HSP90B1: variants seen among roughly 807,000 people sequenced by gnomAD.
HSP90B1 encodes endoplasmin.
HSP90B1 carries 27 observed loss-of-function variants against 100.4 expected under a neutral mutation model. That is an observed-to-expected ratio of 0.27 (90% CI 0.20 to 0.37). The LOEUF is 0.37. Among genes scored for constraint, HSP90B1 ranks in the 10% least tolerant of loss-of-function variants. The pLI is 1.00. For missense variants in HSP90B1, 678 were observed against 960.5 expected (o/e 0.71, Z 3.89); for synonymous variants, 304 against 330.8 (o/e 0.92, Z 0.88).
At chr12:103,939,277 T>A (rs993095951) in intron 7 of HSP90B1, among the ~76,000 whole-genome samples, 3 of 151,520 alleles carry the variant, frequency 2.0e-5, no homozygotes, top group Admixed American at 1.3e-4. Flanking sequence ...GTTTTAAAAA[T>A]TTTTTGTATA....
Position 103,947,298 on chromosome 12 carries a change from A to G in HSP90B1, c.2263-13A>G. 3 of 1,576,764 alleles carry G rather than the reference A, an allele frequency of 1.9e-6. No individual in the cohort carries two copies. The highest frequency in any genetic ancestry group is 1.7e-6 in the Non-Finnish European group (2 of 1,167,632). ...ATCCAAGGCATTAATGGGCCCATAA[A>G]TGTTGTGTTTAGGTGGAAGAAGAGC... On this transcript the variant is annotated splice_polypyrimidine_tract_variant and intron_variant, in intron 16 of 17. Coordinates refer to ENST00000299767, the MANE Select transcript of HSP90B1 (RefSeq NM_003299.3).
At position 103,941,697 on chromosome 12, in the gene HSP90B1, CA is replaced by C; in HGVS notation, c.1301del (p.Lys434ArgfsTer11). 6.2e-7 allele frequency: 1 copy of C among 1,613,780 alleles called. No homozygotes were observed. Among genetic ancestry groups the C allele is most frequent in the South Asian group, 1.1e-5 (1 of 91,070 alleles). ...DMMPKYLNFV[K>X]GVVDSDDLPL... is the part of the protein sequence containing the mutation. ...TGATGCCTAAATACCTCAATTTTGT[CA>C]AGGGTGTGGTAAGTATCTGAAGTTT... On this transcript the variant is annotated frameshift_variant, in exon 10 of 18. Transcript: ENST00000299767. LOFTEE classifies it high-confidence loss of function.
In HSP90B1 at chr12:103,943,020, A is replaced by C. The variant is rs1423246287; in HGVS notation, c.1645-54A>C. 1.3e-6 allele frequency: 2 copies of C among 1,595,868 alleles called. No individual in the cohort carries two copies. The highest frequency in any genetic ancestry group is 1.7e-6 in the Non-Finnish European group (2 of 1,172,352). On this transcript the variant is annotated intron_variant, in intron 12 of 17. Transcript: ENST00000299767. The surrounding 1 kb of genome is among the most constrained non-coding windows in gnomAD (Gnocchi z 5.3). ...TATAAACATAGCAGCTGCTAGGATA[A>C]ACAAATACACCAGGGCCAGACTTGG...
rs1254607192 is a variant in HSP90B1, at chr12:103,943,580, G to A, written c.1891-158G>A. 5.4e-6 allele frequency: 4 copies of A among 738,792 alleles called. No individual in the cohort carries two copies. Among genetic ancestry groups the A allele is most frequent in the African/African-American group, 3.5e-5 (2 of 56,400 alleles). 45.8% of individuals were successfully genotyped at this position (738,792 alleles called of 1,614,324 possible). ...AGAAAATTCAGATTATCAAGTAAGT[G>A]CCCCTACAAATTCTCCTAAACCTTA... On this transcript the variant is annotated intron_variant, in intron 13 of 17. Coordinates refer to ENST00000299767, the MANE Select transcript of HSP90B1 (RefSeq NM_003299.3). This position sits in a 1 kb window ranked among gnomAD's most constrained non-coding sequence, Gnocchi z 5.3.
At chr12:103,939,777 C>G (rs1870023845) in intron 8 of HSP90B1, 152 bp downstream of exon 8, 2 of 468,952 alleles carry the variant, frequency 4.3e-6, no homozygotes, top group African/African-American at 4.1e-5. Context: ...GACCTTTAGG[C>G]CAACTATAAT....
intron 14 of HSP90B1, among the ~76,000 whole-genome samples, chr12:103,944,922 A>G (rs1166544649): frequency 6.6e-6 from 1 of 152,238 alleles, no homozygotes; most frequent in Non-Finnish European, 1.5e-5. Context: ...CTAAAATTCC[A>G]TATATGTCTT....
At chr12:103,936,653 A>G (rs1374778584) in intron 5 of HSP90B1, among the ~76,000 whole-genome samples, 5 of 151,848 alleles carry the variant, frequency 3.3e-5, no homozygotes, top group African/African-American at 4.8e-5. Flanking sequence ...AAGTGTCCCA[A>G]TAAAATTTCT....
chr12:103,936,392 A>G (rs1869916173), intron 5 of HSP90B1, among the ~76,000 whole-genome samples: 1 of 152,172 alleles, frequency 6.6e-6, no homozygotes, highest in South Asian at 2.1e-4. Flanking sequence ...CTATAATCCC[A>G]GCACCTCGGG....
At chr12:103,940,087 T>A (rs1176373107) in intron 8 of HSP90B1, among the ~76,000 whole-genome samples, 3 of 152,172 alleles carry the variant, frequency 2.0e-5, no homozygotes, top group Non-Finnish European at 2.9e-5. Flanking sequence ...TGTGATTTTT[T>A]TAAAAAAATT....
Position 103,934,141 on chromosome 12 carries a change from C to G in HSP90B1, c.597C>G (p.Phe199Leu). The G allele has an allele frequency of 1.2e-6, 2 of 1,614,206 alleles. No homozygotes were observed. The highest frequency in any genetic ancestry group is 1.7e-6 in the Non-Finnish European group (2 of 1,180,034). The change falls in exon 5 of 18, where the codon TTC becomes TTG. Residue 199 changes from phenylalanine to leucine, a missense_variant. This residue lies in a region of HSP90B1 where 238 missense variants were observed against 346.7 expected (regional missense o/e 0.69). Transcript: ENST00000299767. ...TGATTGGCCAGTTTGGTGTCGGTTTCTATTCCGCCTTCCTTGTAGCAGATA... is the reference window on the plus strand; with the variant it reads ...TGATTGGCCAGTTTGGTGTCGGTTTGTATTCCGCCTTCCTTGTAGCAGATA... The part of the protein sequence containing the change: ...SELIGQFGVG[F>L]YSAFLVADKV...
intron 8 of HSP90B1, 66 bp downstream of exon 8, chr12:103,939,691 T>A: frequency 4.1e-6 from 3 of 736,828 alleles, no homozygotes; most frequent in South Asian, 2.0e-5. Flanking sequence ...CCTCTTAGTT[T>A]AATTGTATAT....
chr12:103,947,194 G>A (rs1870260946), intron 16 of HSP90B1, 117 bp from the exon 17 acceptor site: 2 of 1,341,126 alleles, frequency 1.5e-6, no homozygotes, highest in African/African-American at 1.5e-5. Context: ...TAGTTAAGAG[G>A]ATTTAGTCTG....
At position 103,943,479 on chromosome 12, in the gene HSP90B1, G is replaced by A. The variant is rs1322581338; in HGVS notation, c.1890+160G>A. The A allele has an allele frequency of 4.0e-6, 3 of 741,362 alleles. No homozygotes were observed. Among genetic ancestry groups the A allele is most frequent in the Admixed American group, 3.0e-5 (1 of 32,792 alleles). 45.9% of individuals were successfully genotyped at this position (741,362 alleles called of 1,614,324 possible). On this transcript the variant is annotated intron_variant, in intron 13 of 17. Coordinates refer to ENST00000299767, the MANE Select transcript of HSP90B1 (RefSeq NM_003299.3). This position sits in a 1 kb window ranked among gnomAD's most constrained non-coding sequence, Gnocchi z 5.3. Reference sequence around the variant, plus strand: ...TATTGGGAGAAAGCTTAAAACTTTCGACAATACTGCTTTGTTAATAACTTG... The same window carrying A: ...TATTGGGAGAAAGCTTAAAACTTTCAACAATACTGCTTTGTTAATAACTTG...
At chr12:103,941,087 G>A (rs913408986) in intron 8 of HSP90B1, among the ~76,000 whole-genome samples, 1 of 152,158 alleles carries the variant, frequency 6.6e-6, no homozygotes, top group African/African-American at 2.4e-5. Flanking sequence ...CAGGGTGGTG[G>A]TTTTCCTATT....
At position 103,941,404 on chromosome 12, in the gene HSP90B1, C is replaced by G. The variant is rs1192755002; in HGVS notation, c.1093-6C>G. 3 of 1,611,378 alleles carry G rather than the reference C, an allele frequency of 1.9e-6. No individual in the cohort carries two copies. Among genetic ancestry groups the G allele is most frequent in the Non-Finnish European group, 8.5e-7 (1 of 1,179,564 alleles). On this transcript the variant is annotated splice_polypyrimidine_tract_variant and splice_region_variant and intron_variant, in intron 8 of 17. Transcript: ENST00000299767. ...TTTGAATGACTAAGATACCAACTTT[C>G]CACAGGAAAGTGATGACCCCATGGC...
chr12:103,934,250 C>T lies in HSP90B1; in HGVS notation c.706C>T (p.Pro236Ser), dbSNP rs775431470. ...CAATGAATTTTCTGTAATTGCTGACCCAAGAGGAAACACTCTAGGACGGGG... is the reference window on the plus strand; with the variant it reads ...CAATGAATTTTCTGTAATTGCTGACTCAAGAGGAAACACTCTAGGACGGGG... ...DSNEFSVIAD[P>S]RGNTLGRGTT... The change falls in exon 5 of 18, where the codon CCA (proline) becomes TCA (serine). Residue 236 changes from proline to serine, a missense_variant. Pro to Ser is a moderately conservative substitution (Grantham distance 74). Coordinates refer to ENST00000299767, the MANE Select transcript of HSP90B1 (RefSeq NM_003299.3). 6.2e-7 allele frequency: 1 copy of T among 1,614,082 alleles called. No individual in the cohort carries two copies. The highest frequency in any genetic ancestry group is 1.1e-5 in the South Asian group (1 of 91,076).
chr12:103,936,681 C>T (rs1003605760), intron 5 of HSP90B1, among the ~76,000 whole-genome samples: 3 of 151,066 alleles, frequency 2.0e-5, no homozygotes, highest in East Asian at 3.9e-4. Flanking sequence ...GCCAGCTGTA[C>T]AGCTATAGCT....
intron 16 of HSP90B1, 109 bp from the exon 17 acceptor site, chr12:103,947,202 C>T: frequency 7.3e-7 from 1 of 1,375,998 alleles, no homozygotes; most frequent in Non-Finnish European, 9.9e-7. Flanking sequence ...AGGATTTAGT[C>T]TGTGGTTCTG....
chr12:103,936,380 C>G (rs1049936636), intron 5 of HSP90B1, among the ~76,000 whole-genome samples: 2 of 152,092 alleles, frequency 1.3e-5, no homozygotes, highest in African/African-American at 4.8e-5. Context: ...GGTGGCTCAT[C>G]CCTATAATCC....
Sources: allele counts gnomAD v4.1 joint callset (sites outside exome capture counted in the v4.1 genomes callset), GRCh38; gene constraint gnomAD v4.1.1; regional missense constraint gnomAD v4.1.1; non-coding constraint Gnocchi (gnomAD v3.1); transcripts MANE v1.5; gene names NCBI Gene and HGNC (gene_info 2026-07-23, HGNC 2026-07-21).